The following L3HYPDH variants were observed in gnomAD, a reference collection of about 807,000 sequenced individuals.
L3HYPDH encodes trans-3-hydroxy-L-proline dehydratase.
A neutral mutation model predicts 26.5 loss-of-function variants in L3HYPDH; 32 were observed. That is an observed-to-expected ratio of 1.21 (90% CI 0.91 to 1.62). The LOEUF is 1.62. L3HYPDH is among the 40% of genes most tolerant of loss of function. The pLI is 0.00. For missense variants in L3HYPDH, 554 were observed against 476.4 expected (o/e 1.16, Z -1.52); for synonymous variants, 215 against 196.6 (o/e 1.09, Z -0.78).
chr14:59,487,654 A>G, upstream of L3HYPDH: 1 of 1,584,622 alleles, frequency 6.3e-7, no homozygotes, highest in African/African-American at 1.3e-5. Flanking sequence ...TACACAAAAT[A>G]TTGGTTTTAT....
intron 1 of L3HYPDH, among the ~76,000 whole-genome samples, chr14:59,480,132 G>A (rs1007768248): frequency 2.0e-5 from 3 of 152,218 alleles, no homozygotes; most frequent in Non-Finnish European, 4.4e-5. Flanking sequence ...TATGGCAGGG[G>A]AGAAAGCTTG....
intron 1 of L3HYPDH, chr14:59,483,447 G>A: frequency 2.8e-6 from 3 of 1,089,812 alleles, no homozygotes; most frequent in South Asian, 5.2e-5. Flanking sequence ...CTGGAACCCT[G>A]GTACATTGGC....
At chr14:59,474,650 C>G in intron 4 of L3HYPDH, 1 of 583,000 alleles carries the variant, frequency 1.7e-6, no homozygotes, top group Non-Finnish European at 3.0e-6. Flanking sequence ...ACTAACTAAC[C>G]TCTGGTAAAT....
chr14:59,469,558 T>TAAA (rs36113229), downstream of L3HYPDH, among the ~76,000 whole-genome samples: 475 of 43,304 alleles, frequency 0.011, 24 homozygotes, highest in Middle Eastern at 0.033. Flanking sequence ...TCCATCTCAT[T>TAAA]AAAAAAAAAA....
chr14:59,484,924 A>T, upstream of L3HYPDH: 1 of 1,460,170 alleles, frequency 6.8e-7, no homozygotes, highest in Non-Finnish European at 9.0e-7. Flanking sequence ...GTGATAGTGC[A>T]GAAAAAACAG....
At chr14:59,476,043 G>A (rs758507597) in intron 3 of L3HYPDH, 37 bp from the exon 4 acceptor site, 4 of 1,613,826 alleles carry the variant, frequency 2.5e-6, no homozygotes, top group Non-Finnish European at 3.4e-6. Context: ...TGTTCATAGT[G>A]TGTTCCATAT....
Position 59,472,674 on chromosome 14 carries a change from T to A in L3HYPDH, c.*291A>T. On this transcript the variant is annotated 3_prime_UTR_variant, in exon 5 of 5. Transcript: ENST00000247194. ...AATATGATATTAATAGTAATTACTA[T>A]AGAGCAATATTTTAAAAGTAACTAC... 2 of 242,422 alleles carry A rather than the reference T, an allele frequency of 8.3e-6. No individual in the cohort carries two copies. The highest frequency in any genetic ancestry group is 7.8e-6 in the Non-Finnish European group (1 of 128,428). The allele number at this position is 242,422 out of a possible 1,614,324, so 15.0% of individuals were successfully genotyped here.
At chr14:59,473,371 G>C (rs1370649530) in intron 4 of L3HYPDH, among the ~76,000 whole-genome samples, 1 of 152,158 alleles carries the variant, frequency 6.6e-6, no homozygotes, top group Non-Finnish European at 1.5e-5. Flanking sequence ...GTCACTATGG[G>C]AGTTTTCAGT....
downstream of L3HYPDH, among the ~76,000 whole-genome samples, chr14:59,467,906 A>G (rs935496109): frequency 1.3e-5 from 2 of 152,178 alleles, no homozygotes; most frequent in Admixed American, 6.5e-5. Flanking sequence ...ACCAAGACCT[A>G]TGGATTTTAG....
chr14:59,503,208 CTTAG>C, the L3HYPDH span, among the ~76,000 whole-genome samples: 3 of 152,124 alleles, frequency 2.0e-5, no homozygotes, highest in Admixed American at 6.6e-5. Flanking sequence ...AAAAAGACAG[CTTAG>C]TACTGGTTGA....
At chr14:59,489,314 C>T (rs770646365), upstream of L3HYPDH, among the ~76,000 whole-genome samples, 1 of 152,310 alleles carries the variant, frequency 6.6e-6, no homozygotes, top group Non-Finnish European at 1.5e-5. Flanking sequence ...CACTAGATAC[C>T]CTAAGTCATC....
chr14:59,483,373 G>A (rs1435311485), intron 1 of L3HYPDH: 1 of 302,722 alleles, frequency 3.3e-6, no homozygotes, highest in African/African-American at 2.2e-5. Context: ...GGTGAGGAAA[G>A]GAGACCAGGT....
chr14:59,484,383 A>C lies in L3HYPDH; in HGVS notation c.-67T>G, dbSNP rs921955433. ...CTTCAAGCCCGACCCTCACCCACTGACTCCGCGGGAGGAGGGCGGGACGCT... is the reference window on the plus strand; with the variant it reads ...CTTCAAGCCCGACCCTCACCCACTGCCTCCGCGGGAGGAGGGCGGGACGCT... On this transcript the variant is annotated 5_prime_UTR_variant, in exon 1 of 5. Coordinates refer to ENST00000247194, the MANE Select transcript of L3HYPDH (RefSeq NM_144581.2). 64 of 1,486,230 alleles carry C rather than the reference A, an allele frequency of 4.3e-5. 2 individuals are homozygous for C. The South Asian group carries it at 6.6e-4, about 15-fold the overall frequency. 92.1% of individuals were successfully genotyped at this position (1,486,230 alleles called of 1,614,324 possible).
chr14:59,502,773 T>TGTTTTTTTTTTTTTTG, the L3HYPDH span, among the ~76,000 whole-genome samples: 2 of 102,834 alleles, frequency 1.9e-5, no homozygotes, highest in African/African-American at 7.8e-5. Context: ...TTTTTTTTTT[T>TGTTTTTTTTTTTTTTG]CGGAGTCTCA....
chr14:59,483,541 G>A (rs1451718230), intron 1 of L3HYPDH: 15 of 1,396,488 alleles, frequency 1.1e-5, no homozygotes, highest in Non-Finnish European at 1.4e-5. Flanking sequence ...AGTGCAGAGG[G>A]AGGCGCTGAG....
chr14:59,503,805 A>C, the L3HYPDH span: 3 of 1,130,830 alleles, frequency 2.7e-6, no homozygotes, highest in Non-Finnish European at 4.0e-6. Context: ...CAGCTGACTT[A>C]GCCTGATAAT....
chr14:59,502,351 GT>G, the L3HYPDH span, among the ~76,000 whole-genome samples: 1 of 152,160 alleles, frequency 6.6e-6, no homozygotes, highest in East Asian at 1.9e-4. Flanking sequence ...ACTATGAACT[GT>G]CTCAGACTAC....
At chr14:59,489,122 A>G (rs1223581727), upstream of L3HYPDH, among the ~76,000 whole-genome samples, 3 of 152,192 alleles carry the variant, frequency 2.0e-5, no homozygotes, top group Admixed American at 6.5e-5. Context: ...TCTCCTGAAA[A>G]TGCTTTTCTT....
chr14:59,483,872 C>G lies in L3HYPDH; in HGVS notation c.445G>C (p.Glu149Gln), dbSNP rs760285675. The change falls in exon 1 of 5, where the codon GAG (glutamate) becomes CAG (glutamine). Residue 149 changes from glutamate (E) to glutamine (Q), a missense_variant. Transcript: ENST00000247194. ...ACCGGTCCGTGGCTGCGGCCGTCCT[C>G]GCATGCCACGAAGGCGGTCACCAGC... ...CGLVTAFVAC[E>Q]DGRSHGPVRF... is the part of the protein sequence containing the mutation. The G allele has an allele frequency of 3.8e-6, 6 of 1,579,186 alleles. No individual in the cohort carries two copies. The highest frequency in any genetic ancestry group is 5.1e-6 in the Non-Finnish European group (6 of 1,169,766).
Sources: gnomAD v4.1 joint callset for allele counts (sites outside exome capture counted in the v4.1 genomes callset) on GRCh38, gnomAD v4.1.1 for gene constraint, MANE v1.5 for transcripts, NCBI Gene and HGNC (gene_info 2026-07-23, HGNC 2026-07-21) for gene names.